BCAP31: variants seen among roughly 807,000 people sequenced by gnomAD.
BCAP31 encodes B-cell receptor-associated protein 31.
For synonymous variants in BCAP31, 75 were observed against 80.9 expected, an observed-to-expected ratio of 0.93 and a Z score of 0.39; for missense variants, 124 against 193.0, an observed-to-expected ratio of 0.64 and a Z score of 2.12.
intron 2 of BCAP31, among the ~76,000 whole-genome samples, chrX:153,721,499 T>C (rs1452795024): frequency 4.0e-5 from 4 of 99,252 alleles, no homozygotes; most frequent in Non-Finnish European, 6.2e-5. Context: ...AAACTAATCT[T>C]TTTTTTTTTT....
Position 153,723,935 on chromosome X carries a change from G to A in BCAP31, c.-45+399C>T, listed in dbSNP as rs554617697. On this transcript the variant is annotated intron_variant, in intron 1 of 7. Transcript: ENST00000345046. ...GGCAGGATTCGGGACCAAGCGCAAA[G>A]GCAGGTCTCGACCAAGCACCTCAAG... 199 of 478,386 alleles carry A rather than the reference G, an allele frequency of 4.2e-4. No homozygotes were observed. The South Asian group carries it at 4.9e-3, about 12-fold the overall frequency. 39.4% of individuals were successfully genotyped at this position (478,386 alleles called of 1,213,427 possible).
rs2091511525 is a variant in BCAP31 at position 153,700,664 on chromosome X, C to T, written c.*273G>A. On this transcript the variant is annotated 3_prime_UTR_variant, in exon 8 of 8. Coordinates refer to ENST00000345046, the MANE Select transcript of BCAP31 (RefSeq NM_001256447.2). Reference sequence around the variant, plus strand: ...CCGGACTACAACTAACTCGTGCTCTCCACGCTCAGGCGTGGAAGCCAAGGC... The same window carrying T: ...CCGGACTACAACTAACTCGTGCTCTTCACGCTCAGGCGTGGAAGCCAAGGC... The T allele has an allele frequency of 3.2e-6, 1 of 313,008 alleles. No individual in the cohort carries two copies. The highest frequency in any genetic ancestry group is 5.5e-6 in the Non-Finnish European group (1 of 180,766). The allele number at this position is 313,008 out of a possible 1,213,427, so 25.8% of individuals were successfully genotyped here. A position where few individuals can be genotyped will look rare whatever the true frequency, so the allele number is the denominator to read the frequency against.
At position 153,724,358 on chromosome X, in the gene BCAP31, G is replaced by A. The variant is rs939702382; in HGVS notation, c.-69C>T. 12 of 135,169 alleles carry A rather than the reference G, an allele frequency of 8.9e-5. No individual in the cohort carries two copies. The highest frequency in any genetic ancestry group is 1.7e-4 in the Non-Finnish European group (12 of 68,900). 11.1% of individuals were successfully genotyped at this position (135,169 alleles called of 1,213,427 possible). ...CCGAGTTTCCCACAGTCAACGTGCA[G>A]GCCCCGCCGCAGCAACAGAACTCTC... On this transcript the variant is annotated 5_prime_UTR_variant, in exon 1 of 8. Transcript: ENST00000345046.
chrX:153,703,267 C>T (rs1193032694), intron 5 of BCAP31, among the ~76,000 whole-genome samples: 7 of 113,522 alleles, frequency 6.2e-5, no homozygotes, highest in African/African-American at 1.9e-4. Context: ...GAAGCGCCAG[C>T]GGGGCCACCT....
At chrX:153,720,632 G>C (rs1266796698) in intron 3 of BCAP31, among the ~76,000 whole-genome samples, 1 of 111,934 alleles carries the variant, frequency 8.9e-6, no homozygotes, top group African/African-American at 3.2e-5. Context: ...CCAAAGTGCT[G>C]GGATTACAGG....
chrX:153,708,835 G>C (rs1491003340), intron 4 of BCAP31, among the ~76,000 whole-genome samples: 2 of 112,738 alleles, frequency 1.8e-5, no homozygotes, highest in Admixed American at 9.3e-5. Context: ...AGTCCATTTT[G>C]GTACAGCTGC....
intron 2 of BCAP31, among the ~76,000 whole-genome samples, chrX:153,722,101 T>G (rs947916792): frequency 3.9e-4 from 44 of 111,525 alleles, no homozygotes; most frequent in African/African-American, 1.4e-3. Flanking sequence ...TATGATGAGA[T>G]GGACCCCAGA....
At chrX:153,723,036 G>C in intron 2 of BCAP31, 117 bp downstream of exon 2, 1 of 976,399 alleles carries the variant, frequency 1.0e-6, no homozygotes, top group Non-Finnish European at 1.4e-6. Context: ...CCCCAGACAG[G>C]TTCTACCTGT....
intron 7 of BCAP31, 85 bp from the exon 8 acceptor site, chrX:153,701,060 C>G: frequency 1.1e-6 from 1 of 870,623 alleles, no homozygotes; most frequent in Non-Finnish European, 1.6e-6. Flanking sequence ...CCCAGAGGTC[C>G]ACCTCGGTTC....
At chrX:153,714,572 C>T (rs868958488) in intron 4 of BCAP31, among the ~76,000 whole-genome samples, 2 of 110,887 alleles carry the variant, frequency 1.8e-5, no homozygotes, top group Non-Finnish European at 3.8e-5. Flanking sequence ...GATTTTAAGA[C>T]AAGTAGTCAT....
intron 1 of BCAP31, chrX:153,723,545 G>C (rs782375102): frequency 2.6e-6 from 3 of 1,167,932 alleles, no homozygotes; most frequent in Admixed American, 2.6e-5. Context: ...CGTCCAGAGC[G>C]GCCTCTCCCG....
chrX:153,714,589 G>A (rs976973423), intron 4 of BCAP31, among the ~76,000 whole-genome samples: 6 of 110,826 alleles, frequency 5.4e-5, no homozygotes, highest in African/African-American at 2.0e-4. Flanking sequence ...TCATCGTAGC[G>A]CCTAGTAAAG....
chrX:153,705,477 C>T lies in BCAP31; in HGVS notation c.342-1383G>A, dbSNP rs1409826627. ...GAAGGAGAGTTTCCAGTGACATGTG[C>T]TTTCTAAAATTAGCGGCCCAGGACC... On this transcript the variant is annotated intron_variant, in intron 4 of 7. Coordinates refer to ENST00000345046, the MANE Select transcript of BCAP31 (RefSeq NM_001256447.2). 9.7e-5 allele frequency: 11 copies of T among 112,876 alleles called. 1 individual carries two copies. The highest frequency in any genetic ancestry group is 3.5e-4 in the African/African-American group (11 of 31,098). 9.3% of individuals were successfully genotyped at this position (112,876 alleles called of 1,213,427 possible).
At chrX:153,701,120 A>C in intron 7 of BCAP31, 145 bp from the exon 8 acceptor site, 5 of 520,986 alleles carry the variant, frequency 9.6e-6, no homozygotes, top group Middle Eastern at 3.3e-4. Context: ...CCCCCTCCCC[A>C]GCTGCACCCA....
intron 4 of BCAP31, among the ~76,000 whole-genome samples, chrX:153,711,349 C>T (rs1557049119): frequency 8.9e-6 from 1 of 112,219 alleles, no homozygotes; most frequent in African/African-American, 3.2e-5. Flanking sequence ...CAACCTCCAA[C>T]TTGGTCTCCC....
intron 2 of BCAP31, among the ~76,000 whole-genome samples, chrX:153,722,268 G>A (rs879992343): frequency 1.8e-5 from 2 of 111,983 alleles, no homozygotes; most frequent in African/African-American, 6.5e-5. Context: ...GTTTGAATCC[G>A]GACCCAACAA....
intron 5 of BCAP31, 104 bp from the exon 6 acceptor site, chrX:153,703,162 C>G (rs2091530398): frequency 2.8e-6 from 3 of 1,067,850 alleles, no homozygotes; most frequent in Non-Finnish European, 1.3e-6. Flanking sequence ...GCCCTGGCCA[C>G]ACGCCCCTTC....
chrX:153,701,355 G>A (rs782340983), intron 7 of BCAP31, among the ~76,000 whole-genome samples: 1 of 112,932 alleles, frequency 8.9e-6, no homozygotes, highest in Admixed American at 9.2e-5. Flanking sequence ...GCCCCATACA[G>A]AGGGCATGGG....
At chrX:153,719,308 A>G (rs1157987261) in intron 3 of BCAP31, among the ~76,000 whole-genome samples, 2 of 111,243 alleles carry the variant, frequency 1.8e-5, no homozygotes, top group Non-Finnish European at 3.8e-5. Flanking sequence ...TCAAAAACTC[A>G]GTGGCCTGGG....
Sources: gnomAD v4.1 joint callset for allele counts (sites outside exome capture counted in the v4.1 genomes callset) on GRCh38, gnomAD v4.1.1 for gene constraint, MANE v1.5 for transcripts, NCBI Gene and HGNC (gene_info 2026-07-23, HGNC 2026-07-21) for gene names.